The following DLGAP1 variants were observed in gnomAD, a reference collection of about 807,000 sequenced individuals.
DLGAP1 encodes the protein DLG associated protein 1.
In DLGAP1, 11 loss-of-function variants were observed where a neutral mutation model predicts 90.8. That is an observed-to-expected ratio of 0.12 (90% CI 0.08 to 0.20). DLGAP1 has a LOEUF of 0.20. Among genes scored for constraint, DLGAP1 ranks in the 10% least tolerant of loss-of-function variants. The pLI is 1.00. For synonymous variants in DLGAP1, 558 were observed against 540.7 expected, an observed-to-expected ratio of 1.03 and a Z score of -0.44; for missense variants, 1,050 against 1,333.8, an observed-to-expected ratio of 0.79 and a Z score of 3.31.
At chr18:3,928,506 GTGA>G (rs1447875316) in intron 3 of DLGAP1, among the ~76,000 whole-genome samples, 1 of 152,150 alleles carries the variant, frequency 6.6e-6, no homozygotes, top group African/African-American at 2.4e-5. Flanking sequence ...TAATTTAATA[GTGA>G]TGATGATAAT....
At chr18:3,891,240 C>T (rs2071450117) in intron 3 of DLGAP1, among the ~76,000 whole-genome samples, 1 of 152,218 alleles carries the variant, frequency 6.6e-6, no homozygotes, top group South Asian at 2.1e-4. Flanking sequence ...TTCACTTCCT[C>T]CCTTGCCAGC....
At chr18:3,641,783 G>T (rs1023174477) in intron 7 of DLGAP1, among the ~76,000 whole-genome samples, 5 of 152,110 alleles carry the variant, frequency 3.3e-5, no homozygotes, top group Admixed American at 2.0e-4. Context: ...ACAGGTGGTT[G>T]TCTCATATGT....
At chr18:3,692,504 G>C (rs1325911568) in intron 7 of DLGAP1, among the ~76,000 whole-genome samples, 3 of 152,172 alleles carry the variant, frequency 2.0e-5, no homozygotes, top group African/African-American at 7.2e-5. Flanking sequence ...TTTACAGCAG[G>C]ATGGGGAGGC....
At chr18:4,053,455 CAT>C (rs1598311814) in intron 2 of DLGAP1, among the ~76,000 whole-genome samples, 1 of 152,182 alleles carries the variant, frequency 6.6e-6, no homozygotes, top group African/African-American at 2.4e-5. Flanking sequence ...CCTCCCATGA[CAT>C]GTGAAGATTA....
At chr18:3,507,025 T>C (rs917500211) in intron 11 of DLGAP1, among the ~76,000 whole-genome samples, 1 of 151,834 alleles carries the variant, frequency 6.6e-6, no homozygotes, top group Non-Finnish European at 1.5e-5. Context: ...CGTGTGTGTA[T>C]GGGGCAGGGG....
At chr18:4,318,047 C>T (rs1019241968) in intron 1 of DLGAP1, among the ~76,000 whole-genome samples, 7 of 152,078 alleles carry the variant, frequency 4.6e-5, no homozygotes, top group Non-Finnish European at 7.4e-5. Context: ...AGGGTTTCAC[C>T]ATGTTGGCCA....
At chr18:3,902,863 C>T (rs1193683298) in intron 3 of DLGAP1, among the ~76,000 whole-genome samples, 1 of 152,058 alleles carries the variant, frequency 6.6e-6, no homozygotes, top group Non-Finnish European at 1.5e-5. Context: ...GGCCTTGAGC[C>T]TTCCTCTCAG....
At chr18:4,027,398 C>T (rs575573744) in intron 2 of DLGAP1, among the ~76,000 whole-genome samples, 6 of 148,346 alleles carry the variant, frequency 4.0e-5, no homozygotes, top group African/African-American at 7.4e-5. Flanking sequence ...CCCAGCTACT[C>T]GAGAGGCTGA....
chr18:4,445,359 C>G (rs900191572), intron 1 of DLGAP1, among the ~76,000 whole-genome samples: 2 of 151,384 alleles, frequency 1.3e-5, no homozygotes, highest in Non-Finnish European at 2.9e-5. Context: ...AGGTTAGTTA[C>G]ATACGTATAC....
At chr18:3,920,131 T>C (rs995650990) in intron 3 of DLGAP1, among the ~76,000 whole-genome samples, 15 of 152,092 alleles carry the variant, frequency 9.9e-5, no homozygotes, top group African/African-American at 3.6e-4. Flanking sequence ...TCACTTGAGG[T>C]CAGGAGTTCG....
In DLGAP1 at chr18:4,151,213, C is replaced by T. The variant is rs1038251900; in HGVS notation, c.-192G>A. On this transcript the variant is annotated 5_prime_UTR_variant, in exon 2 of 13. Coordinates refer to ENST00000315677, the MANE Select transcript of DLGAP1 (RefSeq NM_004746.4). ...ATCAATTGTCCATTTTCCTTGCTTC[C>T]GAGTCAGGAAAAGATCCAAATTGCA... 3.3e-5 allele frequency: 5 copies of T among 152,068 alleles called. No individual in the cohort carries two copies. The highest frequency in any genetic ancestry group is 1.9e-4 in the East Asian group (1 of 5,194). 9.4% of individuals were successfully genotyped at this position (152,068 alleles called of 1,614,324 possible). A position where few individuals can be genotyped will look rare whatever the true frequency, so the allele number is the denominator to read the frequency against.
At chr18:3,871,097 T>C (rs982117570) in intron 4 of DLGAP1, among the ~76,000 whole-genome samples, 2 of 152,242 alleles carry the variant, frequency 1.3e-5, no homozygotes, top group African/African-American at 4.8e-5. Flanking sequence ...TAATAGAATA[T>C]GTACAACATA....
intron 3 of DLGAP1, among the ~76,000 whole-genome samples, chr18:3,898,036 C>A (rs1311556937): frequency 6.6e-6 from 1 of 151,892 alleles, no homozygotes; most frequent in Non-Finnish European, 1.5e-5. Context: ...CCTCGTGATC[C>A]GCCCGCCTTG....
intron 1 of DLGAP1, among the ~76,000 whole-genome samples, chr18:4,313,396 A>G (rs1256075189): frequency 6.6e-6 from 1 of 152,172 alleles, no homozygotes; most frequent in Non-Finnish European, 1.5e-5. Flanking sequence ...TGAGGAGAAG[A>G]GAAGAAAGAG....
intron 2 of DLGAP1, among the ~76,000 whole-genome samples, chr18:4,063,257 C>G (rs8098319): frequency 0.4 from 59,961 of 151,800 alleles, 12,857 homozygotes; most frequent in Non-Finnish European, 0.49. Flanking sequence ...TCAATATATT[C>G]AATATTGGAG....
intron 1 of DLGAP1, among the ~76,000 whole-genome samples, chr18:4,181,789 C>T (rs1251155970): frequency 6.6e-6 from 1 of 151,978 alleles, no homozygotes; most frequent in Non-Finnish European, 1.5e-5. Context: ...ACATCTACAG[C>T]TTTCGGTAGA....
chr18:3,580,399 G>A (rs2055421114), intron 8 of DLGAP1: 3 of 1,613,766 alleles, frequency 1.9e-6, no homozygotes, highest in Admixed American at 3.3e-5. Flanking sequence ...AGCACCAGGT[G>A]GACAGCTCCA....
intron 8 of DLGAP1, among the ~76,000 whole-genome samples, chr18:3,568,834 C>A (rs1037379210): frequency 6.6e-6 from 1 of 151,684 alleles, no homozygotes; most frequent in African/African-American, 2.4e-5. Flanking sequence ...CTACAGGTGC[C>A]CGCCACCACG....
intron 7 of DLGAP1, among the ~76,000 whole-genome samples, chr18:3,610,678 C>CAA (rs567516917): frequency 1.9e-3 from 267 of 141,740 alleles, no homozygotes; most frequent in African/African-American, 6.5e-3. Context: ...ACTAAAAATA[C>CAA]AAAAAAAAAA....
Sources: gnomAD v4.1 joint callset for allele counts (sites outside exome capture counted in the v4.1 genomes callset) on GRCh38, gnomAD v4.1.1 for gene constraint, MANE v1.5 for transcripts, NCBI Gene and HGNC (gene_info 2026-07-23, HGNC 2026-07-21) for gene names.